CAMTA1: variants seen among roughly 807,000 people sequenced by gnomAD.
CAMTA1 encodes calmodulin binding transcription activator 1.
In CAMTA1, 27 loss-of-function variants were observed where a neutral mutation model predicts 170.9. That is an observed-to-expected ratio of 0.16 (90% CI 0.12 to 0.22). CAMTA1 has a LOEUF of 0.22. Ranked by LOEUF, CAMTA1 falls within the 10% of genes least tolerant of loss-of-function variation. The pLI is 1.00. For synonymous variants in CAMTA1, 833 were observed against 891.5 expected (o/e 0.93, Z 1.17); for missense variants, 1,619 against 2,217.2 (o/e 0.73, Z 5.42).
intron 6 of CAMTA1, among the ~76,000 whole-genome samples, chr1:7,629,618 A>G (rs991236382): frequency 6.6e-6 from 1 of 152,074 alleles, no homozygotes; most frequent in Non-Finnish European, 1.5e-5. Context: ...CTCGAATCAC[A>G]TTTCCTCTCC....
At chr1:7,015,352 AC>A (rs1160893849) in intron 3 of CAMTA1, among the ~76,000 whole-genome samples, 2 of 151,810 alleles carry the variant, frequency 1.3e-5, no homozygotes, top group Non-Finnish European at 2.9e-5. Context: ...CCCACTGTCC[AC>A]CCTCACGGTT....
intron 1 of CAMTA1, among the ~76,000 whole-genome samples, chr1:6,810,475 A>G (rs1645031449): frequency 6.6e-6 from 1 of 152,198 alleles, no homozygotes; most frequent in Non-Finnish European, 1.5e-5. Flanking sequence ...GCAACTTGCT[A>G]GGTCCAGCCC....
At chr1:6,830,906 C>T (rs780253022) in intron 3 of CAMTA1, among the ~76,000 whole-genome samples, 34 of 152,198 alleles carry the variant, frequency 2.2e-4, no homozygotes, top group Admixed American at 6.5e-4. Flanking sequence ...GCAAGCTCCA[C>T]CTCCCAAGTT....
chr1:7,615,272 A>G (rs78301469), intron 6 of CAMTA1, among the ~76,000 whole-genome samples: 1,804 of 152,298 alleles, frequency 0.012, 26 homozygotes, highest in African/African-American at 0.04. Context: ...CAAAGAACCT[A>G]GCCGCTGGCA....
At chr1:7,350,008 G>C (rs552336915) in intron 5 of CAMTA1, among the ~76,000 whole-genome samples, 1 of 152,132 alleles carries the variant, frequency 6.6e-6, no homozygotes. Flanking sequence ...GGCTCTCTGT[G>C]TGAGTATCTT....
intron 5 of CAMTA1, among the ~76,000 whole-genome samples, chr1:7,323,836 A>C (rs1305923510): frequency 6.6e-6 from 1 of 152,182 alleles, no homozygotes; most frequent in East Asian, 1.9e-4. Flanking sequence ...TGAATGAAGG[A>C]AGGACACATT....
At chr1:7,499,354 G>A in intron 6 of CAMTA1, among the ~76,000 whole-genome samples, 1 of 143,888 alleles carries the variant, frequency 6.9e-6, no homozygotes, top group East Asian at 2.1e-4. Context: ...GATTGTGTGA[G>A]CCTGGTGTGC....
At chr1:7,141,777 T>C (rs918479371) in intron 4 of CAMTA1, among the ~76,000 whole-genome samples, 2 of 152,198 alleles carry the variant, frequency 1.3e-5, no homozygotes, top group Non-Finnish European at 2.9e-5. Flanking sequence ...TAAGTATCCT[T>C]CTGGAACCTG....
In CAMTA1 at chr1:7,443,475, C is replaced by T. The variant is rs190674974; in HGVS notation, c.439-24355C>T. 2.2e-4 allele frequency among the ~76,000 whole-genome samples: 34 copies of T among 152,274 alleles called. No homozygotes were observed. In the East Asian group the frequency reaches 5.2e-3, roughly 23 times the overall value. On this transcript the variant is annotated intron_variant, in intron 5 of 22. Transcript: ENST00000303635. This position sits in a 1 kb window ranked among gnomAD's most constrained non-coding sequence, Gnocchi z 4.1. ...ACCCAGCCCTGGGCATCCGAATCAG[C>T]ATTTTCTGGAGACTGGCGCCTGGAC...
rs1029269430 is a variant in CAMTA1 at position 7,333,856 on chromosome 1, G to A, written c.438+84230G>A. 1.3e-5 allele frequency among the ~76,000 whole-genome samples: 2 copies of A among 152,168 alleles called. No individual in the cohort carries two copies. Among genetic ancestry groups the A allele is most frequent in the African/African-American group, 4.8e-5 (2 of 41,450 alleles). On this transcript the variant is annotated intron_variant, in intron 5 of 22. Transcript: ENST00000303635. The surrounding 1 kb of genome is among the most constrained non-coding windows in gnomAD (Gnocchi z 4.4). ...TCTCTCTGTGTTTACATTTTAATGG[G>A]CATTCCAGTGAAATGGAGGAATTTT...
intron 3 of CAMTA1, among the ~76,000 whole-genome samples, chr1:7,013,078 C>A (rs1312310648): frequency 6.6e-6 from 1 of 152,130 alleles, no homozygotes; most frequent in Non-Finnish European, 1.5e-5. Flanking sequence ...CTTCAACAAA[C>A]CCTGTGGCCG....
At position 7,065,601 on chromosome 1, in the gene CAMTA1, T is replaced by C. The variant is rs969924847; in HGVS notation, c.235-25703T>C. On this transcript the variant is annotated intron_variant, in intron 3 of 22. Transcript: ENST00000303635. The surrounding 1 kb of genome is among the most constrained non-coding windows in gnomAD (Gnocchi z 5.2). ...CTGGAGGGATTCTACCTGGAGCAGG[T>C]GGGGGTGCTTATTTCATGGCCATAG... Among the ~76,000 whole-genome samples, 1 of 151,506 alleles carries C rather than the reference T, an allele frequency of 6.6e-6. No individual in the cohort carries two copies. Among genetic ancestry groups the C allele is most frequent in the African/African-American group, 2.4e-5 (1 of 41,140 alleles).
At chr1:6,864,431 G>C (rs544007077) in intron 3 of CAMTA1, among the ~76,000 whole-genome samples, 1 of 152,268 alleles carries the variant, frequency 6.6e-6, no homozygotes, top group East Asian at 1.9e-4. Flanking sequence ...CAGTTGGTCA[G>C]TGGTACTCTT....
At chr1:6,919,305 G>GAGGCAAGGC (rs1681487861) in intron 3 of CAMTA1, among the ~76,000 whole-genome samples, 1 of 152,210 alleles carries the variant, frequency 6.6e-6, no homozygotes, top group Admixed American at 6.5e-5. Context: ...GTGGGCCCCA[G>GAGGCAAGGC]AGGCAAGGCA....
chr1:7,038,287 C>T (rs958199689), intron 3 of CAMTA1, among the ~76,000 whole-genome samples: 8 of 152,158 alleles, frequency 5.3e-5, no homozygotes, highest in African/African-American at 1.7e-4. Flanking sequence ...TTCATTGTGG[C>T]ATTGTTTGTC....
Position 7,270,222 on chromosome 1 carries a change from CAT to C in CAMTA1, c.438+20604_438+20605del, listed in dbSNP as rs945850518. ...ATATACACATATATATACATATATACATATATATACACATATATACATACACA... is the reference window on the plus strand; with the variant it reads ...ATATACACATATATATACATATATACATATATACACATATATACATACACA... On this transcript the variant is annotated intron_variant, in intron 5 of 22. Coordinates refer to ENST00000303635, the MANE Select transcript of CAMTA1 (RefSeq NM_015215.4). 8.1e-3 allele frequency among the ~76,000 whole-genome samples: 846 copies of C among 105,028 alleles called. 4 individuals carry two copies. Among genetic ancestry groups the C allele is most frequent in the East Asian group, 0.02 (54 of 2,656 alleles). The allele number at this position is 105,028 out of a possible 152,430, so 68.9% of individuals were successfully genotyped here. A position where few individuals can be genotyped will look rare whatever the true frequency, so the allele number is the denominator to read the frequency against.
intron 18 of CAMTA1, among the ~76,000 whole-genome samples, chr1:7,747,502 C>G (rs2096865221): frequency 6.6e-6 from 1 of 152,176 alleles, no homozygotes; most frequent in South Asian, 2.1e-4. Flanking sequence ...GCTTAACATT[C>G]CAATATCATA....
intron 6 of CAMTA1, among the ~76,000 whole-genome samples, chr1:7,586,330 C>T (rs974880530): frequency 5.3e-5 from 8 of 152,190 alleles, no homozygotes; most frequent in African/African-American, 1.9e-4. Flanking sequence ...GCTCAAATGT[C>T]GGAGTCCTCC....
chr1:7,217,766 G>T (rs965038687), intron 4 of CAMTA1, among the ~76,000 whole-genome samples: 27 of 152,034 alleles, frequency 1.8e-4, no homozygotes, highest in African/African-American at 6.5e-4. Flanking sequence ...CCTACCTGTT[G>T]CTTATACAAG....
Sources: allele counts gnomAD v4.1 joint callset (sites outside exome capture counted in the v4.1 genomes callset), GRCh38; gene constraint gnomAD v4.1.1; non-coding constraint Gnocchi (gnomAD v3.1); transcripts MANE v1.5; gene names NCBI Gene and HGNC (gene_info 2026-07-23, HGNC 2026-07-21).